NLGN1: variants seen among roughly 807,000 people sequenced by gnomAD.
NLGN1 encodes the protein neuroligin-1.
NLGN1 carries 12 observed loss-of-function variants against 65.5 expected under a neutral mutation model. The ratio of observed to expected loss-of-function variants is 0.18; its 90% CI spans 0.12 to 0.30. The LOEUF (loss-of-function observed/expected upper bound fraction) is 0.30. Ranked by LOEUF, NLGN1 falls within the 10% of genes least tolerant of loss-of-function variation. The pLI is 1.00. For synonymous variants in NLGN1, 350 were observed against 359.5 expected (o/e 0.97, Z 0.30); for missense variants, 750 against 1,007.1 (o/e 0.74, Z 3.46).
chr3:174,235,100 C>T lies in NLGN1; in HGVS notation c.647-40215C>T, dbSNP rs550919683. Among the ~76,000 whole-genome samples, 482 of 146,202 alleles carry T rather than the reference C, an allele frequency of 3.3e-3. 4 individuals carry two copies. Among genetic ancestry groups the T allele is most frequent in the Middle Eastern group, 0.012 (3 of 254 alleles). ...CAAACCAACATGTGGAGCATCTGAC[C>T]TGCATTCTCTTAACTTTGCTGCTGA... On this transcript the variant is annotated intron_variant, in intron 4 of 6. Transcript: ENST00000457714.
chr3:173,566,274 C>G (rs953985360), intron 2 of NLGN1, among the ~76,000 whole-genome samples: 2 of 152,132 alleles, frequency 1.3e-5, no homozygotes, highest in African/African-American at 2.4e-5. Context: ...AGCTACAGAC[C>G]TGAGCTGCTT....
Position 174,018,557 on chromosome 3 carries a change from G to A in NLGN1, c.646+210725G>A, listed in dbSNP as rs150712349. ...TGCCATGGCTTCAGCCGGTCCCTTCGTTCAGGGTCCCTGACTTCCTGCAAC... is the reference window on the plus strand; with the variant it reads ...TGCCATGGCTTCAGCCGGTCCCTTCATTCAGGGTCCCTGACTTCCTGCAAC... On this transcript the variant is annotated intron_variant, in intron 4 of 6. Coordinates refer to ENST00000457714, the Ensembl canonical transcript of NLGN1. Among the ~76,000 whole-genome samples the A allele has an allele frequency of 1.5e-3, 226 of 152,238 alleles. 2 individuals carry two copies. In the East Asian group the frequency reaches 0.031, roughly 21 times the overall value.
At chr3:173,612,916 T>C (rs1424581387) in intron 3 of NLGN1, among the ~76,000 whole-genome samples, 1 of 152,136 alleles carries the variant, frequency 6.6e-6, no homozygotes, top group Non-Finnish European at 1.5e-5. Flanking sequence ...TCTCTTCACA[T>C]GGCCTTCTGC....
intron 4 of NLGN1, among the ~76,000 whole-genome samples, chr3:174,227,308 A>G (rs1204584457): frequency 1.3e-5 from 2 of 152,146 alleles, no homozygotes; most frequent in South Asian, 2.1e-4. Flanking sequence ...ATCCAAGGGA[A>G]TATTCACCCT....
At chr3:173,920,206 T>C (rs577382857) in intron 4 of NLGN1, among the ~76,000 whole-genome samples, 1 of 152,134 alleles carries the variant, frequency 6.6e-6, no homozygotes, top group East Asian at 1.9e-4. Context: ...GGTTATCAAG[T>C]GTTCTAGCCT....
intron 2 of NLGN1, among the ~76,000 whole-genome samples, chr3:173,475,849 C>A (rs955059738): frequency 6.6e-6 from 1 of 152,116 alleles, no homozygotes; most frequent in African/African-American, 2.4e-5. Context: ...AGAACAACTG[C>A]AAGATGTTGT....
At chr3:173,541,785 T>C (rs1420781319) in intron 2 of NLGN1, among the ~76,000 whole-genome samples, 1 of 152,166 alleles carries the variant, frequency 6.6e-6, no homozygotes, top group Non-Finnish European at 1.5e-5. Context: ...TGCTGGCATC[T>C]GGTTTGATTC....
chr3:173,698,711 C>T (rs1365665217), intron 3 of NLGN1, among the ~76,000 whole-genome samples: 12 of 152,052 alleles, frequency 7.9e-5, no homozygotes, highest in African/African-American at 2.9e-4. Flanking sequence ...AGAAGCTTTC[C>T]CAAATGAATA....
At chr3:173,818,170 A>G (rs902477449) in intron 4 of NLGN1, among the ~76,000 whole-genome samples, 2 of 152,216 alleles carry the variant, frequency 1.3e-5, no homozygotes, top group Non-Finnish European at 2.9e-5. Context: ...GGTGTTTACA[A>G]TGTTAAAAAA....
At chr3:173,651,315 A>G (rs1201237917) in intron 3 of NLGN1, among the ~76,000 whole-genome samples, 1 of 151,134 alleles carries the variant, frequency 6.6e-6, no homozygotes, top group African/African-American at 2.4e-5. Flanking sequence ...ATATATATGT[A>G]TATATAATAA....
At chr3:173,498,763 G>A (rs954310118) in intron 2 of NLGN1, among the ~76,000 whole-genome samples, 13 of 151,814 alleles carry the variant, frequency 8.6e-5, no homozygotes, top group Admixed American at 8.5e-4. Context: ...GTGTGAGATG[G>A]TATCTCATTG....
chr3:173,473,227 G>A (rs1013151200), intron 2 of NLGN1, among the ~76,000 whole-genome samples: 4 of 152,158 alleles, frequency 2.6e-5, no homozygotes, highest in Admixed American at 1.3e-4. Context: ...GTGAATTCAA[G>A]CTATCACACA....
chr3:173,629,189 GAC>G (rs1354734248), intron 3 of NLGN1, among the ~76,000 whole-genome samples: 1 of 151,526 alleles, frequency 6.6e-6, no homozygotes, highest in African/African-American at 2.4e-5. Flanking sequence ...CAGTCTTCTA[GAC>G]AGGAGGATCC....
chr3:174,005,051 A>G (rs1031509373), intron 4 of NLGN1, among the ~76,000 whole-genome samples: 6 of 152,188 alleles, frequency 3.9e-5, no homozygotes, highest in Admixed American at 6.5e-5. Context: ...TGAAAATAAA[A>G]TGAAGATTTC....
At chr3:174,264,519 G>A (rs1747615113) in intron 4 of NLGN1, among the ~76,000 whole-genome samples, 1 of 150,440 alleles carries the variant, frequency 6.6e-6, no homozygotes. Flanking sequence ...CTCAAGCCTT[G>A]GTTTTCAGCT....
intron 4 of NLGN1, among the ~76,000 whole-genome samples, chr3:174,161,628 T>C (rs1167983576): frequency 6.6e-6 from 1 of 151,660 alleles, no homozygotes; most frequent in Non-Finnish European, 1.5e-5. Context: ...CAACAATGTA[T>C]AGGAAAAGAA....
At chr3:173,833,560 TCCAGG>T (rs928830437) in intron 4 of NLGN1, among the ~76,000 whole-genome samples, 3 of 152,102 alleles carry the variant, frequency 2.0e-5, no homozygotes, top group Non-Finnish European at 4.4e-5. Flanking sequence ...CACTTTCTTG[TCCAGG>T]CTGGTGTGCA....
chr3:173,616,850 A>G (rs2149488955), intron 3 of NLGN1, among the ~76,000 whole-genome samples: 2 of 152,136 alleles, frequency 1.3e-5, no homozygotes, highest in East Asian at 3.9e-4. Context: ...ATCAAATTAT[A>G]TCACCTCTTT....
At chr3:173,559,179 A>G (rs1275819004) in intron 2 of NLGN1, among the ~76,000 whole-genome samples, 2 of 152,168 alleles carry the variant, frequency 1.3e-5, no homozygotes, top group Non-Finnish European at 2.9e-5. Flanking sequence ...AGGTGCTTGG[A>G]ATACACTGTG....
Sources: gnomAD v4.1 joint callset for allele counts (sites outside exome capture counted in the v4.1 genomes callset) on GRCh38, gnomAD v4.1.1 for gene constraint, MANE v1.5 for transcripts, NCBI Gene and HGNC (gene_info 2026-07-23, HGNC 2026-07-21) for gene names.